The following PI4KA variants were observed in gnomAD, a reference collection of about 807,000 sequenced individuals.
The protein encoded by PI4KA is PI4-kinase alpha.
PI4KA carries 122 observed loss-of-function variants against 271.4 expected under a neutral mutation model. The observed-to-expected ratio is 0.45, with a 90% confidence interval of 0.39 to 0.52. The LOEUF (loss-of-function observed/expected upper bound fraction) is 0.52. PI4KA is among the 20% of genes least tolerant of loss of function. The probability of loss-of-function intolerance (pLI) is 0.00; values close to 1 mark genes in which losing one functional copy is unlikely to be tolerated. For missense variants in PI4KA, 1,969 were observed against 2,769.1 expected (o/e 0.71, Z 6.48); for synonymous variants, 1,041 against 1,078.8 (o/e 0.96, Z 0.69).
chr22:20,822,721 A>C (rs561124117), intron 4 of PI4KA, among the ~76,000 whole-genome samples: 1 of 152,322 alleles, frequency 6.6e-6, no homozygotes, highest in South Asian at 2.1e-4. Context: ...GTGCTTGTCC[A>C]AAGCATTTAT....
At chr22:20,779,592 G>A (rs753103932) in intron 19 of PI4KA, 10 of 1,614,040 alleles carry the variant, frequency 6.2e-6, no homozygotes, top group Non-Finnish European at 6.8e-6. Context: ...CGACTACATC[G>A]ACATCGTCGA....
chr22:20,789,270 T>C (rs1044115886), intron 19 of PI4KA, among the ~76,000 whole-genome samples: 14 of 152,234 alleles, frequency 9.2e-5, no homozygotes, highest in Non-Finnish European at 1.3e-4. Flanking sequence ...CCTTGAGGGA[T>C]TGCTGTGAGG....
At chr22:20,797,445 G>A (rs1011660051) in intron 17 of PI4KA, among the ~76,000 whole-genome samples, 5 of 152,230 alleles carry the variant, frequency 3.3e-5, no homozygotes, top group South Asian at 2.1e-4. Context: ...TCACATAGGC[G>A]CAAGGAAGCA....
At chr22:20,818,744 G>A (rs2147688471) in intron 6 of PI4KA, among the ~76,000 whole-genome samples, 195 bp from the exon 7 acceptor site, 2 of 152,286 alleles carry the variant, frequency 1.3e-5, no homozygotes, top group Admixed American at 1.3e-4. Flanking sequence ...TTTGTGTTTA[G>A]CCGTATATTT....
At chr22:20,787,217 C>T (rs1031676232) in intron 19 of PI4KA, 3 of 723,660 alleles carry the variant, frequency 4.1e-6, no homozygotes, top group Non-Finnish European at 4.8e-6. Flanking sequence ...TAGAAACGAC[C>T]AAGAAGAGAG....
intron 1 of PI4KA, among the ~76,000 whole-genome samples, chr22:20,858,162 G>T (rs980825241): frequency 6.6e-6 from 1 of 152,194 alleles, no homozygotes; most frequent in African/African-American, 2.4e-5. Flanking sequence ...TCCCAAGGTC[G>T]CGGAATAAAA....
intron 6 of PI4KA, among the ~76,000 whole-genome samples, chr22:20,819,251 G>A (rs1237179345): frequency 6.6e-6 from 1 of 151,528 alleles, no homozygotes; most frequent in African/African-American, 2.4e-5. Flanking sequence ...AGTGGGAGCA[G>A]GCTTAACTAG....
intron 30 of PI4KA, 98 bp from the exon 31 acceptor site, chr22:20,742,862 G>A (rs1451532944): frequency 1.8e-5 from 19 of 1,084,542 alleles, no homozygotes; most frequent in African/African-American, 7.7e-5. Context: ...GCACTGGTGG[G>A]TGCCTCGCTG....
intron 19 of PI4KA, chr22:20,786,137 G>A (rs990605037): frequency 5.0e-6 from 8 of 1,613,924 alleles, no homozygotes; most frequent in East Asian, 2.2e-5. Context: ...CCAAAGGATC[G>A]CCATCGACCT....
chr22:20,786,236 C>A, intron 19 of PI4KA: 1 of 1,418,478 alleles, frequency 7.0e-7, no homozygotes, highest in Non-Finnish European at 9.9e-7. Flanking sequence ...ACCCACCCCC[C>A]AATCTCATGT....
At chr22:20,800,818 G>C (rs1211807993) in intron 14 of PI4KA, among the ~76,000 whole-genome samples, 1 of 149,006 alleles carries the variant, frequency 6.7e-6, no homozygotes, top group African/African-American at 2.5e-5. Flanking sequence ...AGCTTGCAGT[G>C]AGCTGAGATC....
At chr22:20,845,073 C>T (rs1167483637) in intron 1 of PI4KA, among the ~76,000 whole-genome samples, 2 of 152,122 alleles carry the variant, frequency 1.3e-5, no homozygotes, top group Admixed American at 6.5e-5. Flanking sequence ...GGGCTTCTAC[C>T]CACCACTTTC....
At chr22:20,710,159 T>G (rs1925065487) in intron 52 of PI4KA, 162 bp from the exon 53 acceptor site, 2 of 670,236 alleles carry the variant, frequency 3.0e-6, no homozygotes, top group Non-Finnish European at 5.5e-6. Flanking sequence ...TTCGATCTGC[T>G]GCACTTGGTA....
In PI4KA at chr22:20,710,041, G is replaced by A. The variant is rs780562003; in HGVS notation, c.6084-44C>T. The stretch of plus-strand genomic sequence containing the variant: ...GAGCGGTGGGCTGAGGCCAGCCTAG[G>A]TGGTGGCCCTGCCTGTAGTCCTGTG... On this transcript the variant is annotated intron_variant, in intron 52 of 54. Transcript: ENST00000255882. 50 of 1,221,978 alleles carry A rather than the reference G, an allele frequency of 4.1e-5. 1 individual carries two copies. Among genetic ancestry groups the A allele is most frequent in the South Asian group, 3.6e-4 (30 of 83,364 alleles). The allele number at this position is 1,221,978 out of a possible 1,614,324, so 75.7% of individuals were successfully genotyped here.
intron 1 of PI4KA, among the ~76,000 whole-genome samples, chr22:20,856,557 C>T (rs1927621007): frequency 6.6e-6 from 1 of 151,832 alleles, no homozygotes; most frequent in Non-Finnish European, 1.5e-5. Context: ...GCCTCAGCCT[C>T]CCAAGTAGCT....
intron 19 of PI4KA, chr22:20,780,277 G>A: frequency 6.3e-7 from 1 of 1,594,424 alleles, no homozygotes; most frequent in Admixed American, 1.7e-5. Flanking sequence ...TGAATGCCAA[G>A]AACTGTACTG....
At chr22:20,811,520 T>C (rs1342412489) in intron 8 of PI4KA, among the ~76,000 whole-genome samples, 2 of 150,962 alleles carry the variant, frequency 1.3e-5, no homozygotes, top group African/African-American at 2.4e-5. Flanking sequence ...GCTCATATTT[T>C]AAATTTTCAA....
intron 44 of PI4KA, among the ~76,000 whole-genome samples, chr22:20,718,463 G>A (rs1007913529): frequency 2.6e-5 from 4 of 152,178 alleles, no homozygotes; most frequent in African/African-American, 9.7e-5. Flanking sequence ...CCTGAAACTG[G>A]CGTGGCCGTG....
chr22:20,820,531 A>G lies in PI4KA; in HGVS notation c.529+8T>C, dbSNP rs769219639. On this transcript the variant is annotated splice_region_variant and intron_variant, in intron 5 of 54. Transcript: ENST00000255882. ...CCATTTTAAGAAAAACCTTAAGGATACTCGTACCTTTGTCTTGAATCTCCA... is the reference window on the plus strand; with the variant it reads ...CCATTTTAAGAAAAACCTTAAGGATGCTCGTACCTTTGTCTTGAATCTCCA... 7 of 1,581,720 alleles carry G rather than the reference A, an allele frequency of 4.4e-6. No homozygotes were observed. The highest frequency in any genetic ancestry group is 6.1e-6 in the Non-Finnish European group (7 of 1,155,866).
Sources: gnomAD v4.1 joint callset for allele counts (sites outside exome capture counted in the v4.1 genomes callset) on GRCh38, gnomAD v4.1.1 for gene constraint, MANE v1.5 for transcripts, NCBI Gene and HGNC (gene_info 2026-07-23, HGNC 2026-07-21) for gene names.